MOCS2: variants seen among roughly 807,000 people sequenced by gnomAD.
The protein encoded by MOCS2 is molybdopterin synthase catalytic subunit.
Under a neutral mutation model 21.9 loss-of-function variants are expected in MOCS2, and 13 were observed. The observed-to-expected ratio is 0.59, with a 90% CI of 0.39 to 0.94. MOCS2 has a LOEUF of 0.94. MOCS2 is among the 40% of genes least tolerant of loss of function. MOCS2 has a pLI of 0.00. For synonymous variants in MOCS2, 92 were observed against 80.8 expected (o/e 1.14, Z -0.74); for missense variants, 227 against 218.3 (o/e 1.04, Z -0.25).
At position 53,096,668 on chromosome 5, in the gene MOCS2, A is replaced by T. The variant is rs1407523577; in HGVS notation, c.*1934T>A. The T allele has an allele frequency of 1.3e-5, 2 of 152,226 alleles. No individual in the cohort carries two copies. The highest frequency in any genetic ancestry group is 2.9e-5 in the Non-Finnish European group (2 of 68,044). The allele number at this position is 152,226 out of a possible 1,614,324, so 9.4% of individuals were successfully genotyped here. The stretch of plus-strand genomic sequence containing the variant: ...ATCTAAGTCAAGTGCAATGCACTAA[A>T]ATCTTTCAAGGCCATTCCATCCCAG... On this transcript the variant is annotated 3_prime_UTR_variant, in exon 7 of 7. Coordinates refer to ENST00000396954, the MANE Select transcript of MOCS2 (RefSeq NM_004531.5).
chr5:53,101,244 A>G (rs1019246345), intron 5 of MOCS2, 115 bp downstream of exon 5: 4 of 1,161,940 alleles, frequency 3.4e-6, no homozygotes, highest in East Asian at 2.4e-5. Context: ...AAAATAATAC[A>G]TGAATATTCC....
intron 5 of MOCS2, 151 bp downstream of exon 5, chr5:53,101,207 AC>A (rs759167068): frequency 7.3e-6 from 6 of 819,074 alleles, no homozygotes; most frequent in Non-Finnish European, 1.2e-5. Flanking sequence ...CCCTAAAGGT[AC>A]TAACAGCCAT....
chr5:53,107,509 C>T (rs923623186), intron 2 of MOCS2: 1 of 398,562 alleles, frequency 2.5e-6, no homozygotes, highest in Non-Finnish European at 4.6e-6. Flanking sequence ...GGAGGCAACA[C>T]TCAAACCAGG....
chr5:53,100,082 A>T (rs1320604522), intron 6 of MOCS2, among the ~76,000 whole-genome samples: 1 of 152,174 alleles, frequency 6.6e-6, no homozygotes, highest in East Asian at 1.9e-4. Flanking sequence ...TTACCTAAAT[A>T]GCTAATGCAT....
intron 5 of MOCS2, 40 bp downstream of exon 5, chr5:53,101,319 C>T: frequency 6.3e-7 from 1 of 1,592,622 alleles, no homozygotes; most frequent in Non-Finnish European, 8.6e-7. Context: ...AGATGGAAAA[C>T]AATTACACTT....
intron 3 of MOCS2, among the ~76,000 whole-genome samples, chr5:53,104,730 A>C (rs1276471335): frequency 6.6e-6 from 1 of 152,138 alleles, no homozygotes; most frequent in Non-Finnish European, 1.5e-5. Context: ...AATGGGTGAA[A>C]AAAGATAAAA....
At chr5:53,103,817 C>T (rs559259824) in intron 3 of MOCS2, among the ~76,000 whole-genome samples, 18 of 152,260 alleles carry the variant, frequency 1.2e-4, no homozygotes, top group African/African-American at 3.6e-4. Flanking sequence ...TGAAAAGTTG[C>T]GACCTGAAAG....
chr5:53,108,521 C>T lies in MOCS2; in HGVS notation c.-48+1G>A. 6.2e-7 allele frequency: 1 copy of T among 1,612,594 alleles called. No individual in the cohort carries two copies. Among genetic ancestry groups the T allele is most frequent in the East Asian group, 2.2e-5 (1 of 44,762 alleles). Reference sequence around the variant, plus strand: ...TATGCATTCTACAAATTTTTAACTACCCAGGATGTCGAGTTTCTATCTCCT... The same window carrying T: ...TATGCATTCTACAAATTTTTAACTATCCAGGATGTCGAGTTTCTATCTCCT... On this transcript the variant is annotated splice_donor_variant, in intron 2 of 6. Transcript: ENST00000396954. LOFTEE classifies it low-confidence loss of function (5UTR_SPLICE).
At chr5:53,099,945 A>G (rs745510113) in intron 6 of MOCS2, among the ~76,000 whole-genome samples, 1 of 152,010 alleles carries the variant, frequency 6.6e-6, no homozygotes, top group Admixed American at 6.6e-5. Context: ...AGAAGTTCCT[A>G]TTTCTGTTTT....
chr5:53,104,619 T>C (rs1402623415), intron 3 of MOCS2, among the ~76,000 whole-genome samples: 1 of 152,194 alleles, frequency 6.6e-6, no homozygotes, highest in Non-Finnish European at 1.5e-5. Flanking sequence ...TTCCAGATAG[T>C]AGGCCTGAGA....
At chr5:53,099,032 C>T (rs1354968016) in intron 6 of MOCS2, among the ~76,000 whole-genome samples, 1 of 152,182 alleles carries the variant, frequency 6.6e-6, no homozygotes. Flanking sequence ...CTACCTGCCA[C>T]CCTTCCCTAT....
chr5:53,107,218 CAA>C lies in MOCS2; in HGVS notation c.-46_-45del. The C allele has an allele frequency of 1.2e-6, 2 of 1,612,430 alleles. No homozygotes were observed. The highest frequency in any genetic ancestry group is 1.7e-6 in the Non-Finnish European group (2 of 1,179,296). The stretch of plus-strand genomic sequence containing the variant: ...ATATTATCTGATTTCTAACATCAGC[CAA>C]TCTAAAGGGGAAAAAATATGACTCA... On this transcript the variant is annotated splice_region_variant and 5_prime_UTR_variant, in exon 3 of 7. Coordinates refer to ENST00000396954, the MANE Select transcript of MOCS2 (RefSeq NM_004531.5).
In MOCS2 at chr5:53,098,425, A is replaced by G. The variant is rs1259279206; in HGVS notation, c.*177T>C. 3 of 626,142 alleles carry G rather than the reference A, an allele frequency of 4.8e-6. No individual in the cohort carries two copies. In the East Asian group the frequency reaches 8.3e-5, roughly 17 times the overall value. The allele number at this position is 626,142 out of a possible 1,614,324, so 38.8% of individuals were successfully genotyped here. On this transcript the variant is annotated 3_prime_UTR_variant, in exon 7 of 7. Transcript: ENST00000396954. ...TCCTTCTATCTTTAGTTCCATTTTAAATAACCCTTCATCCTACATACCCAT... is the reference window on the plus strand; with the variant it reads ...TCCTTCTATCTTTAGTTCCATTTTAGATAACCCTTCATCCTACATACCCAT...
At position 53,098,334 on chromosome 5, in the gene MOCS2, G is replaced by T. The variant is rs1293780544; in HGVS notation, c.*268C>A. 2.1e-6 allele frequency: 1 copy of T among 478,426 alleles called. No homozygotes were observed. The highest frequency in any genetic ancestry group is 3.7e-5 in the East Asian group (1 of 26,698). 29.6% of individuals were successfully genotyped at this position (478,426 alleles called of 1,614,324 possible). A position where few individuals can be genotyped will look rare whatever the true frequency, so the allele number is the denominator to read the frequency against. On this transcript the variant is annotated 3_prime_UTR_variant, in exon 7 of 7. Coordinates refer to ENST00000396954, the MANE Select transcript of MOCS2 (RefSeq NM_004531.5). ...TGAGTTACAATTAGAAATTAGTCATGGAAGGACATGTCTACCACAGATATC... is the reference window on the plus strand; with the variant it reads ...TGAGTTACAATTAGAAATTAGTCATTGAAGGACATGTCTACCACAGATATC...
chr5:53,098,698 A>G, intron 6 of MOCS2, 31 bp from the exon 7 acceptor site: 1 of 1,427,490 alleles, frequency 7.0e-7, no homozygotes, highest in Non-Finnish European at 9.9e-7. Context: ...AGGTATTAAA[A>G]ATAGACCATT....
chr5:53,108,400 CAACT>C, intron 2 of MOCS2, 118 bp downstream of exon 2: 4 of 967,034 alleles, frequency 4.1e-6, no homozygotes, highest in Non-Finnish European at 6.1e-6. Context: ...AAAAAAAATA[CAACT>C]AACGATTCTT....
Position 53,101,365 on chromosome 5 carries a change from C to T in MOCS2, c.371G>A (p.Arg124Lys), listed in dbSNP as rs1175585470. 2 of 1,613,706 alleles carry T rather than the reference C, an allele frequency of 1.2e-6. No individual in the cohort carries two copies. Among genetic ancestry groups the T allele is most frequent in the Admixed American group, 3.3e-5 (2 of 59,992 alleles). Residue 124 changes from arginine (R) to lysine (K), a missense_variant, in exon 5 of 7, where the codon AGA (arginine) becomes AAA (lysine). Coordinates refer to ENST00000396954, the MANE Select transcript of MOCS2 (RefSeq NM_004531.5). ...WPVKHIAVFH[R>K]LGLVPVSEAS... The stretch of plus-strand genomic sequence containing the variant: ...GTGATAAAGGAAATCATACCCAAGT[C>T]TATGGAACACTGCTATGTGTTTGAC...
At chr5:53,105,281 A>T (rs1741020713) in intron 3 of MOCS2, among the ~76,000 whole-genome samples, 2 of 152,138 alleles carry the variant, frequency 1.3e-5, no homozygotes. Context: ...AATCCTCAGC[A>T]AAAAGAACAA....
intron 1 of MOCS2, 105 bp from the exon 2 acceptor site, chr5:53,108,748 A>C (rs1262001143): frequency 5.2e-6 from 6 of 1,149,172 alleles, no homozygotes; most frequent in Admixed American, 6.5e-5. Flanking sequence ...AATCAAAGAC[A>C]AATTTTATAA....
Sources: gnomAD v4.1 joint callset for allele counts (sites outside exome capture counted in the v4.1 genomes callset) on GRCh38, gnomAD v4.1.1 for gene constraint, MANE v1.5 for transcripts, NCBI Gene and HGNC (gene_info 2026-07-23, HGNC 2026-07-21) for gene names.